The following SLC9B1 variants were observed in gnomAD, a reference collection of about 807,000 sequenced individuals.
The protein encoded by SLC9B1 is sodium/hydrogen exchanger 9B1.
A neutral mutation model predicts 51.7 loss-of-function variants in SLC9B1; 32 were observed. The observed-to-expected ratio is 0.62, with a 90% CI of 0.47 to 0.83. The LOEUF is 0.83. Ranked by LOEUF, SLC9B1 falls within the 40% of genes least tolerant of loss-of-function variation. The probability of loss-of-function intolerance (pLI) is 0.00; values close to 1 mark genes in which losing one functional copy is unlikely to be tolerated. For synonymous variants in SLC9B1, 145 were observed against 212.7 expected (o/e 0.68, Z 2.77); for missense variants, 406 against 613.2 (o/e 0.66, Z 3.57).
chr4:103,006,549 A>G (rs1740796718), intron 1 of SLC9B1, among the ~76,000 whole-genome samples: 1 of 152,204 alleles, frequency 6.6e-6, no homozygotes, highest in South Asian at 2.1e-4. Flanking sequence ...ATTCACAGCC[A>G]AATTCTGCCA....
chr4:102,912,251 T>C (rs553771411), intron 7 of SLC9B1: 2 of 152,058 alleles, frequency 1.3e-5, no homozygotes, highest in Non-Finnish European at 2.9e-5. Flanking sequence ...TCATGTACTA[T>C]ATGAAAAAGA....
At chr4:102,998,929 T>C (rs747337552) in intron 1 of SLC9B1, among the ~76,000 whole-genome samples, 17 of 152,148 alleles carry the variant, frequency 1.1e-4, no homozygotes, top group Non-Finnish European at 2.4e-4. Flanking sequence ...GGCACAAACA[T>C]AGATCGTGCA....
At chr4:103,002,134 G>C (rs146470163) in intron 1 of SLC9B1, among the ~76,000 whole-genome samples, 181 of 152,234 alleles carry the variant, frequency 1.2e-3, no homozygotes, top group African/African-American at 4.3e-3. Flanking sequence ...GGGCTTACAG[G>C]TCTCTCCCTC....
intron 11 of SLC9B1, among the ~76,000 whole-genome samples, chr4:102,903,094 T>A (rs1461943476): frequency 6.6e-6 from 1 of 152,200 alleles, no homozygotes; most frequent in Non-Finnish European, 1.5e-5. Flanking sequence ...ATTCTTTGTG[T>A]AGAAGCTAGC....
intron 3 of SLC9B1, among the ~76,000 whole-genome samples, chr4:102,980,948 T>C (rs533918496): frequency 6.9e-4 from 105 of 152,300 alleles, no homozygotes; most frequent in African/African-American, 2.4e-3. Flanking sequence ...ATCATTATAA[T>C]ATCATACAAA....
At position 102,910,792 on chromosome 4, in the gene SLC9B1, C is replaced by A. The variant is rs548486879; in HGVS notation, c.937-204G>T. Among the ~76,000 whole-genome samples, 19 of 152,206 alleles carry A rather than the reference C, an allele frequency of 1.2e-4. No individual in the cohort carries two copies. The South Asian group carries it at 2.1e-3, about 17-fold the overall frequency. ...AAATTTGCAATTAGTCACGTTTCAT[C>A]TTCTGCCATATCTCTGATACTAGTA... On this transcript the variant is annotated intron_variant, in intron 8 of 11. Coordinates refer to ENST00000296422, the MANE Select transcript of SLC9B1 (RefSeq NM_139173.4).
intron 8 of SLC9B1, 41 bp downstream of exon 8, chr4:102,911,390 T>A (rs756480032): frequency 1.2e-5 from 16 of 1,385,424 alleles, no homozygotes; most frequent in East Asian, 4.8e-5. Flanking sequence ...TTGAAAAAAA[T>A]GTCTAATACT....
chr4:103,006,060 C>T (rs1013466128), intron 1 of SLC9B1, among the ~76,000 whole-genome samples: 1 of 151,926 alleles, frequency 6.6e-6, no homozygotes, highest in African/African-American at 2.4e-5. Flanking sequence ...AGCAAACCAA[C>T]CCCAAGGTTA....
chr4:102,903,433 C>T (rs1229215626), intron 11 of SLC9B1, among the ~76,000 whole-genome samples: 4 of 152,182 alleles, frequency 2.6e-5, no homozygotes, highest in Non-Finnish European at 5.9e-5. Context: ...TGAATCCTGA[C>T]AACACTGCTA....
At chr4:102,918,310 T>C (rs1273380324) in intron 7 of SLC9B1, among the ~76,000 whole-genome samples, 2 of 151,952 alleles carry the variant, frequency 1.3e-5, no homozygotes, top group Non-Finnish European at 2.9e-5. Context: ...CTAGGAGAAA[T>C]GAACAGATTC....
chr4:102,909,664 G>A (rs1249174108), intron 9 of SLC9B1, among the ~76,000 whole-genome samples: 2 of 152,250 alleles, frequency 1.3e-5, no homozygotes, highest in Non-Finnish European at 2.9e-5. Context: ...ACAAAAAGTG[G>A]AAACGATCTT....
At chr4:102,949,970 A>G (rs918993267) in intron 3 of SLC9B1, among the ~76,000 whole-genome samples, 21 of 152,216 alleles carry the variant, frequency 1.4e-4, no homozygotes, top group African/African-American at 5.1e-4. Context: ...CAATAAAAAA[A>G]TAAAAAAATA....
At chr4:102,906,940 T>A (rs1452698576) in intron 9 of SLC9B1, among the ~76,000 whole-genome samples, 1 of 152,120 alleles carries the variant, frequency 6.6e-6, no homozygotes, top group Non-Finnish European at 1.5e-5. Context: ...CCCAGGATGG[T>A]CTAGAACTCC....
intron 1 of SLC9B1, among the ~76,000 whole-genome samples, chr4:103,016,205 T>C (rs1021460306): frequency 6.7e-5 from 10 of 148,744 alleles, no homozygotes; most frequent in African/African-American, 2.0e-4. Context: ...AATACTTCTA[T>C]ATATTCCCTG....
intron 6 of SLC9B1, among the ~76,000 whole-genome samples, chr4:102,936,844 A>G (rs1736747895): frequency 6.6e-6 from 1 of 152,226 alleles, no homozygotes; most frequent in Admixed American, 6.5e-5. Context: ...ACTGCCCACA[A>G]AAATTTCCCA....
chr4:102,959,568 C>T (rs1195202082), intron 3 of SLC9B1, among the ~76,000 whole-genome samples: 1 of 152,144 alleles, frequency 6.6e-6, no homozygotes, highest in Non-Finnish European at 1.5e-5. Flanking sequence ...ACTTTATCTT[C>T]TCTAATTACA....
downstream of SLC9B1, chr4:102,898,138 G>C (rs1045186841): frequency 2.0e-6 from 1 of 501,320 alleles, no homozygotes; most frequent in African/African-American, 2.0e-5. Flanking sequence ...CCAGAGCCTC[G>C]CTGTACTAAG....
intron 1 of SLC9B1, among the ~76,000 whole-genome samples, chr4:103,005,734 A>T (rs950744530): frequency 6.6e-6 from 1 of 152,156 alleles, no homozygotes; most frequent in African/African-American, 2.4e-5. Context: ...AATTTAAAAA[A>T]ACTGAACCAC....
chr4:102,901,418 A>G (rs1228378436), intron 11 of SLC9B1, 86 bp from the exon 12 acceptor site: 7 of 1,486,776 alleles, frequency 4.7e-6, no homozygotes, highest in Non-Finnish European at 6.5e-6. Flanking sequence ...AAAATAAACA[A>G]AATCTAGTAC....
Sources: allele counts gnomAD v4.1 joint callset (sites outside exome capture counted in the v4.1 genomes callset), GRCh38; gene constraint gnomAD v4.1.1; transcripts MANE v1.5; gene names NCBI Gene and HGNC (gene_info 2026-07-23, HGNC 2026-07-21).